The following NELL1 variants were observed in gnomAD, a reference collection of about 807,000 sequenced individuals.
NELL1 encodes the protein protein kinase C-binding protein NELL1.
A neutral mutation model predicts 107.4 loss-of-function variants in NELL1; 76 were observed. The ratio of observed to expected loss-of-function variants is 0.71; its 90% CI spans 0.59 to 0.86. The LOEUF (loss-of-function observed/expected upper bound fraction) is 0.86, where lower values mean the gene tolerates loss of function less well. Among genes scored for constraint, NELL1 ranks in the 40% least tolerant of loss-of-function variants. The pLI is 0.00. For synonymous variants in NELL1, 353 were observed against 341.2 expected, an observed-to-expected ratio of 1.03 and a Z score of -0.38; for missense variants, 1,024 against 1,005.5, an observed-to-expected ratio of 1.02 and a Z score of -0.25.
intron 3 of NELL1, among the ~76,000 whole-genome samples, chr11:20,796,399 A>G (rs1269058720): frequency 6.6e-6 from 1 of 152,190 alleles, no homozygotes; most frequent in Non-Finnish European, 1.5e-5. Flanking sequence ...AGTATGTTAC[A>G]TGGTTTGTTG....
At chr11:20,861,835 C>T (rs1848985092) in intron 4 of NELL1, among the ~76,000 whole-genome samples, 1 of 152,180 alleles carries the variant, frequency 6.6e-6, no homozygotes, top group African/African-American at 2.4e-5. Flanking sequence ...ACTAGATGTG[C>T]TACCCTTGCC....
intron 13 of NELL1, among the ~76,000 whole-genome samples, chr11:21,212,913 C>T (rs945813058): frequency 1.3e-5 from 2 of 152,132 alleles, no homozygotes; most frequent in African/African-American, 4.8e-5. Context: ...AAGAACAAAT[C>T]AAGCTGTATC....
rs529554694 is a variant in NELL1 at position 20,940,769 on chromosome 11, A to G, written c.1071+2910A>G. 2.6e-5 allele frequency among the ~76,000 whole-genome samples: 4 copies of G among 152,348 alleles called. 1 individual carries two copies. In the South Asian group the frequency reaches 8.3e-4, roughly 32 times the overall value. ...AAGGGCATGAATACCAGGAGGCATG[A>G]TTCATTAGGTAGACAGGCATCTTTG... On this transcript the variant is annotated intron_variant, in intron 10 of 19. Coordinates refer to ENST00000357134, the MANE Select transcript of NELL1 (RefSeq NM_006157.5).
chr11:21,312,408 T>C (rs2133648274), intron 14 of NELL1, among the ~76,000 whole-genome samples: 1 of 152,116 alleles, frequency 6.6e-6, no homozygotes, highest in East Asian at 1.9e-4. Context: ...AAATTTAAGT[T>C]AACACATTGC....
intron 16 of NELL1, among the ~76,000 whole-genome samples, chr11:21,551,847 T>C (rs1856595731): frequency 1.3e-5 from 2 of 150,978 alleles, no homozygotes; most frequent in African/African-American, 4.9e-5. Flanking sequence ...CGTATGTTTA[T>C]TGCGGCACTA....
intron 12 of NELL1, among the ~76,000 whole-genome samples, chr11:20,975,534 A>G (rs1040705370): frequency 3.4e-5 from 5 of 145,928 alleles, no homozygotes; most frequent in Non-Finnish European, 7.5e-5. Context: ...TATTCAATAT[A>G]TTATGTATTA....
intron 12 of NELL1, among the ~76,000 whole-genome samples, chr11:21,100,021 CT>C (rs557185341): frequency 2.7e-3 from 387 of 145,884 alleles, no homozygotes; most frequent in Middle Eastern, 7.1e-3. Flanking sequence ...CATTTTAGCC[CT>C]TTTTTTTTTT....
intron 4 of NELL1, among the ~76,000 whole-genome samples, chr11:20,859,028 CT>C (rs1160443765): frequency 1.3e-5 from 2 of 152,220 alleles, no homozygotes; most frequent in African/African-American, 4.8e-5. Flanking sequence ...TGATTTACCC[CT>C]GTTAGTACCT....
intron 14 of NELL1, among the ~76,000 whole-genome samples, chr11:21,299,451 T>A (rs563365031): frequency 1.3e-5 from 2 of 151,580 alleles, no homozygotes; most frequent in South Asian, 4.1e-4. Flanking sequence ...GAAAAAGTAG[T>A]CCTGATTAGA....
At chr11:21,036,153 A>G (rs1356651096) in intron 12 of NELL1, among the ~76,000 whole-genome samples, 1 of 152,206 alleles carries the variant, frequency 6.6e-6, no homozygotes, top group Non-Finnish European at 1.5e-5. Flanking sequence ...ACAAAAAATA[A>G]AATACCTAGG....
At chr11:21,261,233 C>T (rs890476791) in intron 14 of NELL1, among the ~76,000 whole-genome samples, 2 of 149,904 alleles carry the variant, frequency 1.3e-5, no homozygotes. Flanking sequence ...GGTACAAGTG[C>T]AGGTTTGTTG....
rs535423882 is a variant in NELL1 at position 21,062,952 on chromosome 11, C to G, written c.1301-50637C>G. Among the ~76,000 whole-genome samples the G allele has an allele frequency of 2.0e-5, 3 of 152,132 alleles. No individual in the cohort carries two copies. The South Asian group carries it at 6.2e-4, about 32-fold the overall frequency. ...AAGCAATTCTCATCCCTTAGCCTTC[C>G]AAGTAGCTGGGATTACAAACGTATG... On this transcript the variant is annotated intron_variant, in intron 12 of 19. Transcript: ENST00000357134.
At chr11:21,275,201 A>G (rs1247061964) in intron 14 of NELL1, among the ~76,000 whole-genome samples, 1 of 152,222 alleles carries the variant, frequency 6.6e-6, no homozygotes, top group Non-Finnish European at 1.5e-5. Flanking sequence ...GACGCAATAA[A>G]AAATGATAAA....
intron 2 of NELL1, among the ~76,000 whole-genome samples, chr11:20,780,464 A>G (rs1179169210): frequency 6.6e-6 from 1 of 152,242 alleles, no homozygotes; most frequent in Non-Finnish European, 1.5e-5. Flanking sequence ...GTAAACCTTT[A>G]TTGGATGCCT....
intron 13 of NELL1, among the ~76,000 whole-genome samples, chr11:21,129,166 A>G (rs925041192): frequency 4.0e-5 from 6 of 151,446 alleles, no homozygotes; most frequent in Admixed American, 6.6e-5. Flanking sequence ...TATTGTGTGT[A>G]TGTGTGTGTG....
chr11:21,456,022 G>A (rs2088074986), intron 15 of NELL1, among the ~76,000 whole-genome samples: 1 of 151,742 alleles, frequency 6.6e-6, no homozygotes, highest in Admixed American at 6.6e-5. Flanking sequence ...CGAGTGAGTA[G>A]CTGGGACTAC....
At position 21,229,472 on chromosome 11, in the gene NELL1, G is replaced by A; in HGVS notation, c.1549+18G>A. On this transcript the variant is annotated intron_variant, in intron 14 of 19. Transcript: ENST00000357134. ...CTGCAGAGGTAGGCTTGCCGCCTTA[G>A]TGTTGAGTTGTGAGCAGCCATTCTG... 2 of 1,612,970 alleles carry A rather than the reference G, an allele frequency of 1.2e-6. No homozygotes were observed. Among genetic ancestry groups the A allele is most frequent in the African/African-American group, 1.3e-5 (1 of 75,004 alleles).
At chr11:21,404,083 T>C (rs558945571) in intron 15 of NELL1, among the ~76,000 whole-genome samples, 49 of 136,166 alleles carry the variant, frequency 3.6e-4, no homozygotes, top group Non-Finnish European at 6.0e-4. Context: ...AATCTCATTG[T>C]TGAACTTCAG....
chr11:20,831,488 T>A (rs181083959), intron 3 of NELL1, among the ~76,000 whole-genome samples: 1 of 152,332 alleles, frequency 6.6e-6, no homozygotes, highest in African/African-American at 2.4e-5. Context: ...CTCTTTCAGC[T>A]CTTAGTGGAC....
Sources: gnomAD v4.1 joint callset for allele counts (sites outside exome capture counted in the v4.1 genomes callset) on GRCh38, gnomAD v4.1.1 for gene constraint, MANE v1.5 for transcripts, NCBI Gene and HGNC (gene_info 2026-07-23, HGNC 2026-07-21) for gene names.